Variants in IKZF3 observed in about 807,000 individuals in gnomAD.
The protein encoded by IKZF3 is zinc finger protein Aiolos.
Under a neutral mutation model 49.0 loss-of-function variants are expected in IKZF3, and 10 were observed. That is an observed-to-expected ratio of 0.20 (90% confidence interval 0.13 to 0.35). The LOEUF (loss-of-function observed/expected upper bound fraction) is 0.35, where lower values mean the gene tolerates loss of function less well. Ranked by LOEUF, IKZF3 falls within the 10% of genes least tolerant of loss-of-function variation. IKZF3 has a pLI of 1.00. For synonymous variants in IKZF3, 209 were observed against 228.2 expected (o/e 0.92, Z 0.76); for missense variants, 498 against 664.8 (o/e 0.75, Z 2.76).
intron 3 of IKZF3, among the ~76,000 whole-genome samples, chr17:39,810,091 T>C (rs959789410): frequency 2.0e-5 from 3 of 152,208 alleles, no homozygotes; most frequent in Admixed American, 1.3e-4. Context: ...ATACTATTGA[T>C]TGATTTCTCA....
intron 1 of IKZF3, among the ~76,000 whole-genome samples, 199 bp from the exon 2 acceptor site, chr17:39,832,350 A>T (rs1489315641): frequency 6.6e-6 from 1 of 152,044 alleles, no homozygotes; most frequent in African/African-American, 2.4e-5. Context: ...CAGCAATGTT[A>T]CTCTAAGAAC....
chr17:39,771,052 T>C (rs2060427145), intron 7 of IKZF3, among the ~76,000 whole-genome samples: 1 of 152,212 alleles, frequency 6.6e-6, no homozygotes, highest in African/African-American at 2.4e-5. Flanking sequence ...TGATTCACTT[T>C]CCAAGATTGC....
chr17:39,844,981 G>A (rs898782285), intron 1 of IKZF3, among the ~76,000 whole-genome samples: 1 of 152,110 alleles, frequency 6.6e-6, no homozygotes, highest in African/African-American at 2.4e-5. Flanking sequence ...TGTATCTTCA[G>A]CCCCTACACT....
intron 7 of IKZF3, among the ~76,000 whole-genome samples, chr17:39,777,254 AG>A: frequency 6.6e-6 from 1 of 152,380 alleles, no homozygotes; most frequent in East Asian, 1.9e-4. Flanking sequence ...GCATGAAAAA[AG>A]TTTGAGCATG....
intron 3 of IKZF3, among the ~76,000 whole-genome samples, chr17:39,795,494 C>T (rs1171827690): frequency 2.0e-5 from 3 of 152,114 alleles, no homozygotes. Context: ...GCCACCTCTG[C>T]TTCCCAGGTT....
chr17:39,812,880 C>G (rs2061593589), intron 3 of IKZF3, among the ~76,000 whole-genome samples: 1 of 151,994 alleles, frequency 6.6e-6, no homozygotes, highest in South Asian at 2.1e-4. Context: ...GGGCAAATCA[C>G]GAGGTCAGGA....
chr17:39,802,219 C>G (rs2061336299), intron 3 of IKZF3, among the ~76,000 whole-genome samples: 1 of 40,498 alleles, frequency 2.5e-5, no homozygotes, highest in Non-Finnish European at 4.2e-5. Context: ...GAGACTCCAT[C>G]TCAAAAAAAA....
intron 3 of IKZF3, among the ~76,000 whole-genome samples, chr17:39,812,368 G>A (rs1305611819): frequency 1.3e-5 from 2 of 152,138 alleles, no homozygotes; most frequent in African/African-American, 4.8e-5. Context: ...GCCAGGACAG[G>A]ATTTTGTTCA....
At position 39,759,548 on chromosome 17, in the gene IKZF3, G is replaced by A. The variant is rs183162547; in HGVS notation, c.*6242C>T. ...TGGGGCAAGGGAGAGGCACAGTCTT[G>A]TGTTACTTTACAAGCTCTCAGAAGT... is the stretch of plus-strand genomic sequence containing the variant. On this transcript the variant is annotated 3_prime_UTR_variant, in exon 8 of 8. Transcript: ENST00000346872. The A allele has an allele frequency of 1.3e-5, 2 of 152,342 alleles. No homozygotes were observed. Among genetic ancestry groups the A allele is most frequent in the Admixed American group, 1.3e-4 (2 of 15,304 alleles). The allele number at this position is 152,342 out of a possible 1,614,324, so 9.4% of individuals were successfully genotyped here.
chr17:39,800,501 A>G (rs1045157407), intron 3 of IKZF3, among the ~76,000 whole-genome samples: 1 of 152,240 alleles, frequency 6.6e-6, no homozygotes, highest in Non-Finnish European at 1.5e-5. Context: ...TAATTGCTAT[A>G]CATTCCCAGA....
At chr17:39,837,700 G>A (rs1222661649) in intron 1 of IKZF3, among the ~76,000 whole-genome samples, 1 of 151,402 alleles carries the variant, frequency 6.6e-6, no homozygotes, top group Non-Finnish European at 1.5e-5. Context: ...GTGCAGTGGT[G>A]CAATCTTGGC....
At chr17:39,845,364 T>C (rs1423689688) in intron 1 of IKZF3, among the ~76,000 whole-genome samples, 1 of 150,512 alleles carries the variant, frequency 6.6e-6, no homozygotes. Context: ...TATAAAAAAA[T>C]ACAAAAAAAA....
Position 39,805,247 on chromosome 17 carries a change from G to A in IKZF3, c.164-12314C>T, listed in dbSNP as rs141382670. Reference sequence around the variant, plus strand: ...AGGAAAGAAGATAAGAAGGAGGAAAGGAAAGCGTGAACAACTATACTATTA... The same window carrying A: ...AGGAAAGAAGATAAGAAGGAGGAAAAGAAAGCGTGAACAACTATACTATTA... On this transcript the variant is annotated intron_variant, in intron 3 of 7. Transcript: ENST00000346872. Among the ~76,000 whole-genome samples, 424 of 152,288 alleles carry A rather than the reference G, an allele frequency of 2.8e-3. 6 individuals carry two copies. The highest frequency in any genetic ancestry group is 9.8e-3 in the African/African-American group (406 of 41,556).
At chr17:39,771,411 A>C (rs565000408) in intron 7 of IKZF3, among the ~76,000 whole-genome samples, 1 of 152,384 alleles carries the variant, frequency 6.6e-6, no homozygotes, top group East Asian at 1.9e-4. Flanking sequence ...GAATACAACA[A>C]AATTGCAATC....
chr17:39,837,496 T>C (rs1289979511), intron 1 of IKZF3, among the ~76,000 whole-genome samples: 1 of 151,704 alleles, frequency 6.6e-6, no homozygotes, highest in African/African-American at 2.4e-5. Flanking sequence ...AAGGCTGATC[T>C]CAAACTCCTG....
rs35327114 is a variant in IKZF3 at position 39,832,049 on chromosome 17, AT to A, written c.61+48del. ...ATAAGCACATTCCTCTCTCTTTGGTATTTTTTTTAGTAAAGGTATATTTCCA... is the reference window on the plus strand; with the variant it reads ...ATAAGCACATTCCTCTCTCTTTGGTATTTTTTTAGTAAAGGTATATTTCCA... On this transcript the variant is annotated intron_variant, in intron 2 of 7. Coordinates refer to ENST00000346872, the MANE Select transcript of IKZF3 (RefSeq NM_012481.5). 2,092 of 1,354,882 alleles carry A rather than the reference AT, an allele frequency of 1.5e-3. 23 individuals carry two copies. In the African/African-American group the frequency reaches 0.02, roughly 13 times the overall value. The allele number at this position is 1,354,882 out of a possible 1,614,324, so 83.9% of individuals were successfully genotyped here.
intron 1 of IKZF3, among the ~76,000 whole-genome samples, chr17:39,837,100 A>T (rs919387408): frequency 2.0e-5 from 3 of 150,858 alleles, no homozygotes; most frequent in Non-Finnish European, 4.4e-5. Flanking sequence ...TGGCTAATTT[A>T]AAAAAAATTC....
At chr17:39,840,076 A>G (rs1040215699) in intron 1 of IKZF3, among the ~76,000 whole-genome samples, 16 of 152,172 alleles carry the variant, frequency 1.1e-4, no homozygotes, top group African/African-American at 3.9e-4. Flanking sequence ...GCCTGGATTG[A>G]GGGGTTTCCT....
chr17:39,821,347 T>C (rs1412082183), intron 3 of IKZF3, among the ~76,000 whole-genome samples: 1 of 152,090 alleles, frequency 6.6e-6, no homozygotes, highest in African/African-American at 2.4e-5. Context: ...ATTTGCTAGA[T>C]CAGCCCAGGC....
Sources: allele counts gnomAD v4.1 joint callset (sites outside exome capture counted in the v4.1 genomes callset), GRCh38; gene constraint gnomAD v4.1.1; transcripts MANE v1.5; gene names NCBI Gene and HGNC (gene_info 2026-07-23, HGNC 2026-07-21).